Variants in RASSF9 observed in about 807,000 individuals in gnomAD.
The protein encoded by RASSF9 is ras association domain-containing protein 9.
A neutral mutation model predicts 21.4 loss-of-function variants in RASSF9; 18 were observed. The ratio of observed to expected loss-of-function variants is 0.84; its 90% CI spans 0.58 to 1.25. RASSF9 has a LOEUF of 1.25. Ranked by LOEUF, RASSF9 falls within the 50% of genes most tolerant of loss-of-function variation. RASSF9 has a pLI of 0.00. For synonymous variants in RASSF9, 183 were observed against 179.1 expected (o/e 1.02, Z -0.18); for missense variants, 480 against 503.2 (o/e 0.95, Z 0.44).
chr12:85,832,249 C>T (rs1444564491), intron 1 of RASSF9, among the ~76,000 whole-genome samples: 1 of 151,820 alleles, frequency 6.6e-6, no homozygotes, highest in Non-Finnish European at 1.5e-5. Context: ...ATTCTAATTT[C>T]CTATTTTGAA....
chr12:85,802,835 C>G lies in RASSF9; in HGVS notation c.*1867G>C, dbSNP rs530282511. ...ATATTGTTGAATAATTTTATGGACT[C>G]TTAGTCAGGTGAACTTTCCTTTCAC... is the stretch of plus-strand genomic sequence containing the variant. On this transcript the variant is annotated 3_prime_UTR_variant, in exon 2 of 2. Transcript: ENST00000361228. 6 of 152,234 alleles carry G rather than the reference C, an allele frequency of 3.9e-5. No individual in the cohort carries two copies. The South Asian group carries it at 1.0e-3, about 26-fold the overall frequency. The allele number at this position is 152,234 out of a possible 1,614,324, so 9.4% of individuals were successfully genotyped here. A position where few individuals can be genotyped will look rare whatever the true frequency, so the allele number is the denominator to read the frequency against.
Position 85,805,901 on chromosome 12 carries a change from C to T in RASSF9, c.109G>A (p.Glu37Lys). 1.2e-6 allele frequency: 2 copies of T among 1,613,888 alleles called. No homozygotes were observed. Among genetic ancestry groups the T allele is most frequent in the Non-Finnish European group, 1.7e-6 (2 of 1,179,816 alleles). Residue 37 changes from glutamate (E) to lysine (K), a missense_variant, in exon 2 of 2, where the codon GAG becomes AAG. Physicochemically the swap from Glu to Lys is moderately conservative, Grantham distance 56 (BLOSUM62 1). Transcript: ENST00000361228. ...KEIVVWVCQE[E>K]KLVCGLTKRT... ...TTAGTCAGCCCACAGACAAGCTTCT[C>T]TTCTTGGCAAACCCAAACCACAATT...
At chr12:85,812,084 A>G (rs1449112438) in intron 1 of RASSF9, among the ~76,000 whole-genome samples, 1 of 151,802 alleles carries the variant, frequency 6.6e-6, no homozygotes, top group South Asian at 2.1e-4. Context: ...CCACAATTTC[A>G]TAACTACTCC....
At chr12:85,808,395 A>G (rs991904308) in intron 1 of RASSF9, among the ~76,000 whole-genome samples, 1 of 152,114 alleles carries the variant, frequency 6.6e-6, no homozygotes, top group African/African-American at 2.4e-5. Context: ...TTTTGCACTT[A>G]ATGACTCAAT....
intron 1 of RASSF9, among the ~76,000 whole-genome samples, chr12:85,832,510 AGAC>A (rs948139778): frequency 2.6e-4 from 39 of 152,054 alleles, no homozygotes; most frequent in African/African-American, 9.1e-4. Flanking sequence ...TCTAATATAA[AGAC>A]AATCACATTC....
At chr12:85,817,329 T>A (rs1222471240) in intron 1 of RASSF9, among the ~76,000 whole-genome samples, 1 of 152,134 alleles carries the variant, frequency 6.6e-6, no homozygotes, top group East Asian at 1.9e-4. Context: ...TTAAATTCAA[T>A]ACTATCTTTT....
At chr12:85,827,319 G>C (rs775240264) in intron 1 of RASSF9, among the ~76,000 whole-genome samples, 3 of 152,016 alleles carry the variant, frequency 2.0e-5, no homozygotes, top group Non-Finnish European at 4.4e-5. Context: ...TTTCTAAACT[G>C]TATCAATTTT....
At chr12:85,834,866 T>C (rs1010220326) in intron 1 of RASSF9, among the ~76,000 whole-genome samples, 1 of 152,126 alleles carries the variant, frequency 6.6e-6, no homozygotes, top group Admixed American at 6.6e-5. Flanking sequence ...AAAACACAAA[T>C]TTTAAATACT....
At chr12:85,815,138 G>C (rs1365297533) in intron 1 of RASSF9, among the ~76,000 whole-genome samples, 2 of 151,668 alleles carry the variant, frequency 1.3e-5, no homozygotes, top group African/African-American at 4.8e-5. Flanking sequence ...AGGTGAAAGG[G>C]AAACCCCACA....
At chr12:85,806,623 A>G (rs1275700357) in intron 1 of RASSF9, among the ~76,000 whole-genome samples, 1 of 133,368 alleles carries the variant, frequency 7.5e-6, no homozygotes, top group Non-Finnish European at 1.6e-5. Flanking sequence ...CAGGGAGTGG[A>G]GATTGTGCCA....
chr12:85,814,147 A>T (rs1880012013), intron 1 of RASSF9, among the ~76,000 whole-genome samples: 1 of 152,048 alleles, frequency 6.6e-6, no homozygotes, highest in African/African-American at 2.4e-5. Context: ...CTTTGGGGGC[A>T]TATCTGAGTC....
intron 1 of RASSF9, among the ~76,000 whole-genome samples, chr12:85,815,109 A>T (rs1468780228): frequency 6.6e-6 from 1 of 151,994 alleles, no homozygotes; most frequent in Non-Finnish European, 1.5e-5. Context: ...TGGCCAAGAA[A>T]TTATTTGCAG....
chr12:85,825,625 CA>C (rs1565756667), intron 1 of RASSF9, among the ~76,000 whole-genome samples: 1 of 152,050 alleles, frequency 6.6e-6, no homozygotes, highest in Non-Finnish European at 1.5e-5. Flanking sequence ...GTTTTTTACA[CA>C]AAAAGTTTGA....
chr12:85,830,969 A>T (rs1257710379), intron 1 of RASSF9, among the ~76,000 whole-genome samples: 1 of 152,138 alleles, frequency 6.6e-6, no homozygotes, highest in Non-Finnish European at 1.5e-5. Flanking sequence ...TTAATTAAGC[A>T]ACCATACATT....
intron 1 of RASSF9, among the ~76,000 whole-genome samples, chr12:85,808,209 A>C (rs1879877236): frequency 6.6e-6 from 1 of 152,132 alleles, no homozygotes; most frequent in Admixed American, 6.6e-5. Context: ...ATGAAGTAAA[A>C]AAGTTATTAC....
rs2136547530 is a variant in RASSF9 at position 85,803,618 on chromosome 12, A to C, written c.*1084T>G. ...AAACACAAGCATAGTAGGCCATAAT[A>C]ATGATTGTCAGTCAAGATAAGACCT... On this transcript the variant is annotated 3_prime_UTR_variant, in exon 2 of 2. Transcript: ENST00000361228. 1 of 152,306 alleles carries C rather than the reference A, an allele frequency of 6.6e-6. No individual in the cohort carries two copies. Among genetic ancestry groups the C allele is most frequent in the South Asian group, 2.1e-4 (1 of 4,830 alleles). The allele number at this position is 152,306 out of a possible 1,614,324, so 9.4% of individuals were successfully genotyped here. A position where few individuals can be genotyped will look rare whatever the true frequency, so the allele number is the denominator to read the frequency against.
In RASSF9 at chr12:85,836,306, T is replaced by C. The variant is rs1880563503; in HGVS notation, c.-105A>G. The C allele has an allele frequency of 6.5e-7, 1 of 1,537,190 alleles. No individual in the cohort carries two copies. The highest frequency in any genetic ancestry group is 8.8e-7 in the Non-Finnish European group (1 of 1,140,408). ...GAAGGGAGGAGGGCTGGAAGCTTTC[T>C]CTTCTCCTCGGATGTTCCTGGCTTT... On this transcript the variant is annotated 5_prime_UTR_variant, in exon 1 of 2. Coordinates refer to ENST00000361228, the MANE Select transcript of RASSF9 (RefSeq NM_005447.4).
intron 1 of RASSF9, among the ~76,000 whole-genome samples, chr12:85,813,971 G>A (rs1359442224): frequency 6.6e-6 from 1 of 152,002 alleles, no homozygotes; most frequent in Non-Finnish European, 1.5e-5. Flanking sequence ...ACTGTGTAAA[G>A]GAGTGATTCC....
intron 1 of RASSF9, among the ~76,000 whole-genome samples, chr12:85,808,082 T>C (rs1879874342): frequency 1.3e-5 from 2 of 152,160 alleles, no homozygotes; most frequent in Non-Finnish European, 2.9e-5. Flanking sequence ...CTGCCTTCTA[T>C]AATAATTTAA....
Sources: gnomAD v4.1 joint callset for allele counts (sites outside exome capture counted in the v4.1 genomes callset) on GRCh38, gnomAD v4.1.1 for gene constraint, MANE v1.5 for transcripts, NCBI Gene and HGNC (gene_info 2026-07-23, HGNC 2026-07-21) for gene names.